Variants in LRCH1 observed in about 807,000 individuals in gnomAD.
LRCH1 encodes the protein leucine rich repeats and calponin homology domain containing 1.
A neutral mutation model predicts 94.9 loss-of-function variants in LRCH1; 23 were observed. That is an observed-to-expected ratio of 0.24 (90% CI 0.17 to 0.34). The LOEUF is 0.34. Ranked by LOEUF, LRCH1 falls within the 10% of genes least tolerant of loss-of-function variation. LRCH1 has a pLI of 1.00. For missense variants in LRCH1, 790 were observed against 945.9 expected (o/e 0.84, Z 2.16); for synonymous variants, 364 against 354.9 (o/e 1.03, Z -0.29).
At chr13:46,656,009 C>T (rs1470575654) in intron 2 of LRCH1, among the ~76,000 whole-genome samples, 1 of 152,134 alleles carries the variant, frequency 6.6e-6, no homozygotes, top group African/African-American at 2.4e-5. Flanking sequence ...GTTATCACAC[C>T]ATAAAAGGAA....
chr13:46,588,092 T>C (rs1037937711), intron 1 of LRCH1, among the ~76,000 whole-genome samples: 1 of 152,210 alleles, frequency 6.6e-6, no homozygotes, highest in African/African-American at 2.4e-5. Flanking sequence ...TCTGACAGAA[T>C]TGTAAAAACA....
intron 1 of LRCH1, among the ~76,000 whole-genome samples, chr13:46,602,950 A>T (rs1325341988): frequency 7.1e-6 from 1 of 139,970 alleles, no homozygotes; most frequent in East Asian, 2.1e-4. Flanking sequence ...CCCGGTCAAC[A>T]AATACATACA....
intron 4 of LRCH1, among the ~76,000 whole-genome samples, chr13:46,683,914 T>C (rs1470962587): frequency 6.6e-6 from 1 of 152,088 alleles, no homozygotes; most frequent in Non-Finnish European, 1.5e-5. Context: ...GAGAACTCTA[T>C]TGACAAAAGA....
chr13:46,611,066 A>AT (rs1394626647), intron 1 of LRCH1, among the ~76,000 whole-genome samples: 4 of 152,054 alleles, frequency 2.6e-5, no homozygotes, highest in African/African-American at 9.7e-5. Context: ...GGGGCCTTAG[A>AT]TTTTTTCATC....
intron 1 of LRCH1, among the ~76,000 whole-genome samples, chr13:46,616,530 T>C (rs9595501): frequency 0.022 from 3,314 of 152,278 alleles, 127 homozygotes; most frequent in African/African-American, 0.076. Flanking sequence ...AAGTGTAATG[T>C]CTTGAGTCAC....
intron 1 of LRCH1, among the ~76,000 whole-genome samples, chr13:46,628,954 T>TG (rs2050985826): frequency 2.0e-5 from 3 of 152,224 alleles, no homozygotes; most frequent in Admixed American, 6.5e-5. Flanking sequence ...CATCATGGAA[T>TG]GTACCCATTG....
intron 5 of LRCH1, 57 bp from the exon 6 acceptor site, chr13:46,687,795 C>G: frequency 6.8e-7 from 1 of 1,481,466 alleles, no homozygotes; most frequent in South Asian, 1.2e-5. Context: ...GGATTTGATA[C>G]TTACATTTTG....
intron 18 of LRCH1, among the ~76,000 whole-genome samples, chr13:46,732,776 C>A (rs1278201084): frequency 1.3e-5 from 2 of 152,192 alleles, no homozygotes; most frequent in Admixed American, 6.5e-5. Flanking sequence ...CTCAGGTCTG[C>A]TTCTGTTTGC....
At chr13:46,637,325 C>A (rs959300859) in intron 1 of LRCH1, among the ~76,000 whole-genome samples, 1 of 152,216 alleles carries the variant, frequency 6.6e-6, no homozygotes, top group South Asian at 2.1e-4. Flanking sequence ...AGATTCCAAA[C>A]ACAAATCTAG....
At chr13:46,733,470 T>C (rs952842602) in intron 18 of LRCH1, among the ~76,000 whole-genome samples, 1 of 152,298 alleles carries the variant, frequency 6.6e-6, no homozygotes, top group East Asian at 1.9e-4. Flanking sequence ...ATGTTTATGG[T>C]GTACTTTAGG....
At chr13:46,709,934 A>T in intron 13 of LRCH1, among the ~76,000 whole-genome samples, 1 of 152,196 alleles carries the variant, frequency 6.6e-6, no homozygotes. Context: ...GATTATGGAG[A>T]GCTAAAATAT....
At chr13:46,578,412 A>T (rs566477367) in intron 1 of LRCH1, among the ~76,000 whole-genome samples, 3 of 152,234 alleles carry the variant, frequency 2.0e-5, no homozygotes, top group Non-Finnish European at 4.4e-5. Flanking sequence ...AGGATGACAC[A>T]TTAATAGCAG....
chr13:46,685,735 T>G (rs540013838), intron 4 of LRCH1, among the ~76,000 whole-genome samples, 170 bp from the exon 5 acceptor site: 1 of 152,360 alleles, frequency 6.6e-6, no homozygotes, highest in African/African-American at 2.4e-5. Flanking sequence ...CCTCTTTTGG[T>G]AAAATGTTAT....
chr13:46,609,443 T>C (rs1303652477), intron 1 of LRCH1, among the ~76,000 whole-genome samples: 1 of 152,202 alleles, frequency 6.6e-6, no homozygotes, highest in Non-Finnish European at 1.5e-5. Context: ...TTGGTAATGC[T>C]GGCAACGAGG....
At position 46,605,507 on chromosome 13, in the gene LRCH1, A is replaced by ACTCCTC. The variant is rs372999128; in HGVS notation, c.308-44670_308-44665dup. On this transcript the variant is annotated intron_variant, in intron 1 of 19. Transcript: ENST00000389797. ...CAGTATATGTGCTGAAGATGAGGGCACTCCTCCTCCTCCTCCTCCTCCTCC... is the reference window on the plus strand; with the variant it reads ...CAGTATATGTGCTGAAGATGAGGGCACTCCTCCTCCTCCTCCTCCTCCTCCTCCTCC... Among the ~76,000 whole-genome samples, 9 of 146,888 alleles carry ACTCCTC rather than the reference A, an allele frequency of 6.1e-5. No individual in the cohort carries two copies. The South Asian group carries it at 6.5e-4, about 11-fold the overall frequency.
intron 1 of LRCH1, among the ~76,000 whole-genome samples, chr13:46,634,242 G>T (rs2051055221): frequency 6.6e-6 from 1 of 152,172 alleles, no homozygotes; most frequent in African/African-American, 2.4e-5. Flanking sequence ...GAAAGCCCCA[G>T]ATGCCACCAG....
intron 1 of LRCH1, among the ~76,000 whole-genome samples, chr13:46,621,324 A>G (rs550813055): frequency 2.3e-4 from 35 of 152,282 alleles, no homozygotes; most frequent in Admixed American, 5.2e-4. Context: ...CCTTAACTCT[A>G]GAGTCTGGTA....
intron 16 of LRCH1, 127 bp from the exon 17 acceptor site, chr13:46,723,094 A>G: frequency 1.8e-6 from 1 of 544,566 alleles, no homozygotes. Context: ...TGGATTTGGA[A>G]TTTCTTTGTT....
At chr13:46,652,421 A>C (rs1318708918) in intron 2 of LRCH1, among the ~76,000 whole-genome samples, 1 of 151,832 alleles carries the variant, frequency 6.6e-6, no homozygotes, top group Non-Finnish European at 1.5e-5. Context: ...GGGTTGAAAA[A>C]AATCCTAGCA....
Sources: gnomAD v4.1 joint callset for allele counts (sites outside exome capture counted in the v4.1 genomes callset) on GRCh38, gnomAD v4.1.1 for gene constraint, MANE v1.5 for transcripts, NCBI Gene and HGNC (gene_info 2026-07-23, HGNC 2026-07-21) for gene names.